The following ATP11B variants were observed in gnomAD, a reference collection of about 807,000 sequenced individuals.
ATP11B encodes the protein phospholipid-transporting ATPase IF.
Under a neutral mutation model 157.8 loss-of-function variants are expected in ATP11B, and 81 were observed. The ratio of observed to expected loss-of-function variants is 0.51; its 90% CI spans 0.43 to 0.62. ATP11B has a LOEUF of 0.62. Ranked by LOEUF, ATP11B falls within the 20% of genes least tolerant of loss-of-function variation. The pLI is 0.00. For synonymous variants in ATP11B, 451 were observed against 469.4 expected, an observed-to-expected ratio of 0.96 and a Z score of 0.51; for missense variants, 1,165 against 1,402.2, an observed-to-expected ratio of 0.83 and a Z score of 2.70.
Position 182,918,641 on chromosome 3 carries a change from A to C in ATP11B, c.*537A>C, listed in dbSNP as rs1304993134. The C allele has an allele frequency of 3.0e-6, 1 of 335,090 alleles. No homozygotes were observed. The highest frequency in any genetic ancestry group is 2.1e-5 in the African/African-American group (1 of 47,412). 20.8% of individuals were successfully genotyped at this position (335,090 alleles called of 1,614,324 possible). A position where few individuals can be genotyped will look rare whatever the true frequency, so the allele number is the denominator to read the frequency against. On this transcript the variant is annotated 3_prime_UTR_variant, in exon 30 of 30. Coordinates refer to ENST00000323116, the MANE Select transcript of ATP11B (RefSeq NM_014616.3). Reference sequence around the variant, plus strand: ...AGTGACCTGTGTTGTTAATTCATTAATGCATTCTGAGTTCACAGAGCAAAT... The same window carrying C: ...AGTGACCTGTGTTGTTAATTCATTACTGCATTCTGAGTTCACAGAGCAAAT...
At chr3:182,861,065 C>CTTTT (rs35183352) in intron 12 of ATP11B, among the ~76,000 whole-genome samples, 7 of 137,418 alleles carry the variant, frequency 5.1e-5, no homozygotes, top group South Asian at 2.3e-4. Flanking sequence ...AACAATAATA[C>CTTTT]TTTTTTTTTT....
rs553026380 is a variant in ATP11B at position 182,839,130 on chromosome 3, AG to A, written c.656+1958del. On this transcript the variant is annotated intron_variant, in intron 7 of 29. Coordinates refer to ENST00000323116, the MANE Select transcript of ATP11B (RefSeq NM_014616.3). ...AAAAGAAAGAGATCACGTCTTTTGCAGGAACATGGATAGAGCTGGAGGCCAT... is the reference window on the plus strand; with the variant it reads ...AAAAGAAAGAGATCACGTCTTTTGCAGAACATGGATAGAGCTGGAGGCCAT... 9.8e-5 allele frequency among the ~76,000 whole-genome samples: 15 copies of A among 152,352 alleles called. 1 individual carries two copies. The South Asian group carries it at 3.1e-3, about 32-fold the overall frequency.
In ATP11B at chr3:182,879,764, A is replaced by T; in HGVS notation, c.2406+115A>T. On this transcript the variant is annotated intron_variant, in intron 20 of 29. Coordinates refer to ENST00000323116, the MANE Select transcript of ATP11B (RefSeq NM_014616.3). ...TGATGTGCAATATATACATTTTGCT[A>T]GGAGTCAGTCACATCTCATGTTGTA... 3.2e-6 allele frequency: 3 copies of T among 932,926 alleles called. No homozygotes were observed. In the South Asian group the frequency reaches 7.6e-5, roughly 24 times the overall value. The allele number at this position is 932,926 out of a possible 1,614,324, so 57.8% of individuals were successfully genotyped here.
chr3:182,858,138 G>T, intron 11 of ATP11B, 110 bp downstream of exon 11: 1 of 917,580 alleles, frequency 1.1e-6, no homozygotes, highest in African/African-American at 1.7e-5. Flanking sequence ...TAAAACTGTT[G>T]GTACTGAAGG....
chr3:182,862,010 C>G (rs1720878807), intron 12 of ATP11B, among the ~76,000 whole-genome samples: 1 of 151,610 alleles, frequency 6.6e-6, no homozygotes, highest in Non-Finnish European at 1.5e-5. Context: ...CTTTGGGAGG[C>G]CAAGGTGGGT....
chr3:182,824,688 A>T (rs1233426137), intron 2 of ATP11B, among the ~76,000 whole-genome samples: 7 of 152,180 alleles, frequency 4.6e-5, no homozygotes, highest in Non-Finnish European at 4.4e-5. Flanking sequence ...CATATTTTTT[A>T]AAATGTGGAT....
intron 1 of ATP11B, among the ~76,000 whole-genome samples, chr3:182,800,390 TA>T (rs71183647): frequency 0.81 from 118,836 of 146,780 alleles, 48,144 homozygotes; most frequent in South Asian, 0.84. Context: ...CCCAGCTAAT[TA>T]AAAAAAAAAA....
chr3:182,836,944 G>A, intron 6 of ATP11B, 127 bp from the exon 7 acceptor site: 2 of 653,908 alleles, frequency 3.1e-6, no homozygotes, highest in Non-Finnish European at 5.3e-6. Flanking sequence ...TTTCTCTTCT[G>A]TTGTCTAGCT....
chr3:182,903,148 C>G (rs183659068), intron 28 of ATP11B, among the ~76,000 whole-genome samples: 4 of 151,976 alleles, frequency 2.6e-5, no homozygotes, highest in Admixed American at 2.6e-4. Flanking sequence ...TTTAGGGATG[C>G]CTTTTGATAA....
At chr3:182,830,565 A>G (rs193236007) in intron 4 of ATP11B, among the ~76,000 whole-genome samples, 1 of 152,356 alleles carries the variant, frequency 6.6e-6, no homozygotes, top group East Asian at 1.9e-4. Context: ...TTTCAGTTAT[A>G]CAGAGATGAT....
chr3:182,813,889 G>A (rs1315176086), intron 1 of ATP11B, among the ~76,000 whole-genome samples: 1 of 151,540 alleles, frequency 6.6e-6, no homozygotes, highest in East Asian at 1.9e-4. Context: ...TACCCCATCC[G>A]GCTAATTTTT....
At chr3:182,821,141 G>A (rs1011023696) in intron 2 of ATP11B, among the ~76,000 whole-genome samples, 3 of 151,950 alleles carry the variant, frequency 2.0e-5, no homozygotes, top group South Asian at 2.1e-4. Context: ...ACAGAGTCTC[G>A]CTGTGTCACC....
At chr3:182,856,086 AC>A (rs1720376200) in intron 10 of ATP11B, among the ~76,000 whole-genome samples, 1 of 152,190 alleles carries the variant, frequency 6.6e-6, no homozygotes, top group Non-Finnish European at 1.5e-5. Context: ...GCAGAAATGT[AC>A]ATAGCCACTT....
chr3:182,895,015 A>G (rs1723437394), intron 25 of ATP11B, among the ~76,000 whole-genome samples: 1 of 150,240 alleles, frequency 6.7e-6, no homozygotes, highest in Non-Finnish European at 1.5e-5. Flanking sequence ...AGTCCCAGCT[A>G]CTTGGGAGGA....
chr3:182,896,844 CATAG>C, intron 26 of ATP11B, 79 bp downstream of exon 26: 2 of 964,602 alleles, frequency 2.1e-6, no homozygotes, highest in Non-Finnish European at 3.1e-6. Flanking sequence ...TTTCTTTAGC[CATAG>C]ATACTTTCCC....
intron 2 of ATP11B, among the ~76,000 whole-genome samples, chr3:182,822,536 G>C (rs1364822765): frequency 6.6e-6 from 1 of 152,192 alleles, no homozygotes; most frequent in Non-Finnish European, 1.5e-5. Flanking sequence ...ATTTGGATTG[G>C]TTCCAAGTCT....
At chr3:182,861,943 C>CAA (rs35665738) in intron 12 of ATP11B, among the ~76,000 whole-genome samples, 71,467 of 135,402 alleles carry the variant, frequency 0.53, 20,652 homozygotes, top group Non-Finnish European at 0.67. Flanking sequence ...GACCCTGTCT[C>CAA]AAAAAAAAAA....
chr3:182,875,921 C>G (rs993012775), intron 19 of ATP11B, among the ~76,000 whole-genome samples: 3 of 152,150 alleles, frequency 2.0e-5, no homozygotes, highest in African/African-American at 7.2e-5. Flanking sequence ...ATTAATTGCT[C>G]AGAATCATTT....
At chr3:182,843,134 C>T (rs1006856808) in intron 8 of ATP11B, among the ~76,000 whole-genome samples, 15 of 152,166 alleles carry the variant, frequency 9.9e-5, no homozygotes, top group African/African-American at 3.4e-4. Flanking sequence ...CCCATTTATT[C>T]ATTCATTTAC....
Sources: allele counts gnomAD v4.1 joint callset (sites outside exome capture counted in the v4.1 genomes callset), GRCh38; gene constraint gnomAD v4.1.1; transcripts MANE v1.5; gene names NCBI Gene and HGNC (gene_info 2026-07-23, HGNC 2026-07-21).